The following ZNF599 variants were observed in gnomAD, a reference collection of about 807,000 sequenced individuals.
ZNF599 encodes the protein zinc finger protein 599.
ZNF599 carries 10 observed loss-of-function variants against 11.7 expected under a neutral mutation model. That is an observed-to-expected ratio of 0.86 (90% CI 0.53 to 1.45). The LOEUF is 1.45. Ranked by LOEUF, ZNF599 falls within the 40% of genes most tolerant of loss-of-function variation. ZNF599 has a pLI of 0.00. For synonymous variants in ZNF599, 232 were observed against 253.2 expected (o/e 0.92, Z 0.79); for missense variants, 688 against 713.6 (o/e 0.96, Z 0.41).
chr19:34,777,526 T>G (rs1166359537), upstream of ZNF599, among the ~76,000 whole-genome samples: 1 of 118,280 alleles, frequency 8.5e-6, no homozygotes, highest in Non-Finnish European at 1.6e-5. Context: ...TAATATATTA[T>G]ATATAATCTA....
intron 3 of ZNF599, among the ~76,000 whole-genome samples, chr19:34,766,428 T>C (rs1222182054): frequency 1.3e-5 from 2 of 152,228 alleles, no homozygotes; most frequent in African/African-American, 2.4e-5. Context: ...AATGGTGGGA[T>C]GCAGAGTGTA....
chr19:34,798,355 T>C, the ZNF599 span, among the ~76,000 whole-genome samples: 1 of 152,240 alleles, frequency 6.6e-6, no homozygotes, highest in African/African-American at 2.4e-5. Context: ...ATACTAACCA[T>C]GCATATGCCA....
intron 3 of ZNF599, chr19:34,765,569 G>C: frequency 1.4e-6 from 1 of 702,980 alleles, no homozygotes; most frequent in Non-Finnish European, 2.6e-6. Flanking sequence ...AAGGCAGAAA[G>C]TGTAATCTAG....
chr19:34,764,293 C>A (rs191395295), intron 3 of ZNF599: 9 of 152,224 alleles, frequency 5.9e-5, no homozygotes, highest in Admixed American at 1.3e-4. Context: ...ACTGCTCAGG[C>A]GTACATGGAA....
At chr19:34,780,193 A>G in the ZNF599 span, among the ~76,000 whole-genome samples, 16 of 152,194 alleles carry the variant, frequency 1.1e-4, no homozygotes, top group East Asian at 1.3e-3. Flanking sequence ...GTATCCAGCC[A>G]GGTGCAAAGT....
intron 1 of ZNF599, 43 bp downstream of exon 1, chr19:34,772,781 G>T: frequency 6.5e-7 from 1 of 1,535,182 alleles, no homozygotes; most frequent in South Asian, 1.2e-5. Flanking sequence ...GTGCATGCGG[G>T]CGGTGACCCG....
At chr19:34,790,420 A>C in the ZNF599 span, among the ~76,000 whole-genome samples, 4 of 152,232 alleles carry the variant, frequency 2.6e-5, no homozygotes, top group African/African-American at 9.6e-5. Flanking sequence ...AGACAATGAA[A>C]TATTAATCAG....
At chr19:34,782,300 AC>A in the ZNF599 span, among the ~76,000 whole-genome samples, 3 of 152,236 alleles carry the variant, frequency 2.0e-5, no homozygotes, top group Non-Finnish European at 2.9e-5. Context: ...AAAATGGAAA[AC>A]AAAATGAAAC....
At chr19:34,768,547 A>G (rs1049168347) in intron 2 of ZNF599, among the ~76,000 whole-genome samples, 2 of 152,220 alleles carry the variant, frequency 1.3e-5, no homozygotes, top group Non-Finnish European at 2.9e-5. Flanking sequence ...AGCATTTGGT[A>G]TTTATTAATT....
At chr19:34,797,395 T>C in the ZNF599 span, among the ~76,000 whole-genome samples, 1 of 152,098 alleles carries the variant, frequency 6.6e-6, no homozygotes, top group Non-Finnish European at 1.5e-5. Context: ...CCACACTGAC[T>C]TCCACAATGG....
the ZNF599 span, among the ~76,000 whole-genome samples, chr19:34,789,698 A>G: frequency 6.6e-6 from 1 of 151,912 alleles, no homozygotes; most frequent in Admixed American, 6.6e-5. Flanking sequence ...TTTTTAATTG[A>G]GTTATTTGTT....
At position 34,772,885 on chromosome 19, in the gene ZNF599, C is replaced by A; in HGVS notation, c.-44G>T. 1 of 1,425,264 alleles carries A rather than the reference C, an allele frequency of 7.0e-7. No homozygotes were observed. Among genetic ancestry groups the A allele is most frequent in the Non-Finnish European group, 9.1e-7 (1 of 1,095,064 alleles). The allele number at this position is 1,425,264 out of a possible 1,614,324, so 88.3% of individuals were successfully genotyped here. A position where few individuals can be genotyped will look rare whatever the true frequency, so the allele number is the denominator to read the frequency against. On this transcript the variant is annotated 5_prime_UTR_variant, in exon 1 of 4. Transcript: ENST00000329285. ...GAGGCCGTGAGAGTCGGCGAGGAAG[C>A]CGGTCCTGCGGGCTCGGCCGACCCC...
the ZNF599 span, among the ~76,000 whole-genome samples, chr19:34,801,161 T>A: frequency 6.6e-6 from 1 of 152,242 alleles, no homozygotes; most frequent in African/African-American, 2.4e-5. Context: ...TGCAGGTCTC[T>A]CTGGTCCATG....
At chr19:34,780,327 A>G in the ZNF599 span, among the ~76,000 whole-genome samples, 53 of 152,088 alleles carry the variant, frequency 3.5e-4, no homozygotes, top group East Asian at 8.1e-3. Flanking sequence ...GGGCAACATG[A>G]TGAGACCCTG....
intron 1 of ZNF599, among the ~76,000 whole-genome samples, chr19:34,771,675 C>T (rs886760877): frequency 1.3e-5 from 2 of 151,988 alleles, no homozygotes; most frequent in African/African-American, 4.8e-5. Flanking sequence ...GACTTTGCAG[C>T]CATGGTGGGG....
chr19:34,798,310 C>T, the ZNF599 span, among the ~76,000 whole-genome samples: 1 of 152,150 alleles, frequency 6.6e-6, no homozygotes, highest in East Asian at 1.9e-4. Flanking sequence ...TCTTTGAGGC[C>T]TTCTCAGCGA....
intron 2 of ZNF599, among the ~76,000 whole-genome samples, chr19:34,768,100 C>A (rs1165307931): frequency 6.6e-6 from 1 of 152,166 alleles, no homozygotes; most frequent in Non-Finnish European, 1.5e-5. Context: ...CTTGTCCTGG[C>A]ACGCATCCAG....
intron 1 of ZNF599, 22 bp downstream of exon 1, chr19:34,772,802 G>A (rs1214487336): frequency 3.3e-6 from 5 of 1,534,274 alleles, no homozygotes; most frequent in Non-Finnish European, 4.4e-6. Flanking sequence ...AGCTCGCGCG[G>A]GCTGCGGAAC....
the ZNF599 span, among the ~76,000 whole-genome samples, chr19:34,787,829 G>A: frequency 6.6e-6 from 1 of 152,142 alleles, no homozygotes; most frequent in Non-Finnish European, 1.5e-5. Context: ...GGAAGAGAAA[G>A]GGGATTCCTA....
Sources: allele counts gnomAD v4.1 joint callset (sites outside exome capture counted in the v4.1 genomes callset), GRCh38; gene constraint gnomAD v4.1.1; transcripts MANE v1.5; gene names NCBI Gene and HGNC (gene_info 2026-07-23, HGNC 2026-07-21).